The following SRGAP2 variants were observed in gnomAD, a reference collection of about 807,000 sequenced individuals.
The protein encoded by SRGAP2 is SLIT-ROBO Rho GTPase activating protein 2, also known as SLIT-ROBO Rho GTPase-activating protein 2.
Under a neutral mutation model 57.2 loss-of-function variants are expected in SRGAP2, and 15 were observed. That is an observed-to-expected ratio of 0.26 (90% CI 0.18 to 0.40). The LOEUF is 0.40. Ranked by LOEUF, SRGAP2 falls within the 10% of genes least tolerant of loss-of-function variation. The pLI is 1.00. For synonymous variants in SRGAP2, 249 were observed against 248.0 expected (o/e 1.00, Z -0.04); for missense variants, 520 against 669.6 (o/e 0.78, Z 2.47).
chr1:206,424,638 A>C lies in SRGAP2; in HGVS notation c.1494+3364A>C, dbSNP rs1015482127. Among the ~76,000 whole-genome samples, 4 of 152,190 alleles carry C rather than the reference A, an allele frequency of 2.6e-5. No homozygotes were observed. The South Asian group carries it at 8.3e-4, about 32-fold the overall frequency. On this transcript the variant is annotated intron_variant, in intron 13 of 22. Transcript: ENST00000573034. ...CCATTGTACTCCAGCCTGGGTGACA[A>C]GAGAGAGACTCTGTCCCAAAATAAA...
chr1:206,430,230 G>A lies in SRGAP2; in HGVS notation c.1555+8G>A. ...GGTTTATCAGCAGACACGGTAAGCA[G>A]GATGACAGCCTTGTCCATATTTGTG... On this transcript the variant is annotated splice_region_variant and intron_variant, in intron 14 of 22. Transcript: ENST00000573034. The A allele has an allele frequency of 2.6e-6, 2 of 780,732 alleles. No homozygotes were observed. Among genetic ancestry groups the A allele is most frequent in the South Asian group, 2.7e-5 (2 of 74,616 alleles). 48.4% of individuals were successfully genotyped at this position (780,732 alleles called of 1,614,324 possible).
intron 3 of SRGAP2, among the ~76,000 whole-genome samples, chr1:206,326,549 T>G (rs1171109748): frequency 1.4e-4 from 21 of 152,140 alleles, no homozygotes; most frequent in African/African-American, 4.8e-4. Flanking sequence ...TTGAATGAAA[T>G]GTAATAACCA....
chr1:206,438,488 A>T (rs1207632553), intron 16 of SRGAP2, among the ~76,000 whole-genome samples: 11 of 152,254 alleles, frequency 7.2e-5, no homozygotes, highest in Admixed American at 7.2e-4. Flanking sequence ...GCATTAAACA[A>T]GACATGGCTT....
chr1:206,453,458 G>T, intron 20 of SRGAP2, 78 bp downstream of exon 20: 1 of 485,338 alleles, frequency 2.1e-6, no homozygotes, highest in South Asian at 3.6e-5. Context: ...TGGAGCCATA[G>T]GACTATGAGG....
intron 2 of SRGAP2, among the ~76,000 whole-genome samples, chr1:206,231,515 G>T (rs561207063): frequency 1.3e-5 from 2 of 151,810 alleles, no homozygotes; most frequent in African/African-American, 4.8e-5. Flanking sequence ...TTGAACTCTT[G>T]GCCTCTCTGA....
intron 2 of SRGAP2, among the ~76,000 whole-genome samples, chr1:206,221,495 G>A (rs575984933): frequency 3.2e-4 from 49 of 151,808 alleles, no homozygotes; most frequent in South Asian, 3.1e-3. Flanking sequence ...CCAAGGTGGC[G>A]TAGGATATCA....
At chr1:206,239,998 G>C (rs1668112315) in intron 2 of SRGAP2, among the ~76,000 whole-genome samples, 1 of 151,686 alleles carries the variant, frequency 6.6e-6, no homozygotes, top group African/African-American at 2.4e-5. Flanking sequence ...AGGCACGGTG[G>C]CTCACGCCTG....
At chr1:206,240,330 T>A (rs561186911) in intron 2 of SRGAP2, among the ~76,000 whole-genome samples, 2,749 of 150,870 alleles carry the variant, frequency 0.018, 42 homozygotes, top group African/African-American at 0.041. Flanking sequence ...TTCTGAACTG[T>A]GTAGAGTTGG....
chr1:206,428,545 G>A (rs1661012886), intron 13 of SRGAP2, among the ~76,000 whole-genome samples: 1 of 152,152 alleles, frequency 6.6e-6, no homozygotes, highest in South Asian at 2.1e-4. Flanking sequence ...TATGGGTAGT[G>A]GCAAAGTGTT....
intron 2 of SRGAP2, among the ~76,000 whole-genome samples, chr1:206,224,481 T>A (rs1571608239): frequency 7.4e-6 from 1 of 135,738 alleles, no homozygotes; most frequent in Non-Finnish European, 1.5e-5. Context: ...TGAAAATGAG[T>A]GGTGTTGATA....
intron 2 of SRGAP2, among the ~76,000 whole-genome samples, chr1:206,216,546 A>G (rs1189729857): frequency 1.3e-5 from 2 of 150,982 alleles, no homozygotes; most frequent in African/African-American, 4.9e-5. Flanking sequence ...GCCTGGTTAG[A>G]AGCAGCTGTG....
At position 206,447,909 on chromosome 1, in the gene SRGAP2, A is replaced by G. The variant is rs1202020481; in HGVS notation, c.2099+1610A>G. Among the ~76,000 whole-genome samples, 3 of 141,280 alleles carry G rather than the reference A, an allele frequency of 2.1e-5. No homozygotes were observed. In the East Asian group the frequency reaches 1.0e-3, roughly 49 times the overall value. The allele number at this position is 141,280 out of a possible 152,430, so 92.7% of individuals were successfully genotyped here. A position where few individuals can be genotyped will look rare whatever the true frequency, so the allele number is the denominator to read the frequency against. On this transcript the variant is annotated intron_variant, in intron 18 of 22. Coordinates refer to ENST00000573034, the MANE Select transcript of SRGAP2 (RefSeq NM_015326.5). ...CAGTTTCCTCCAAGATAGTCTCCCA[A>G]CCTACCCACCTGTTTCTTGTGCACT...
chr1:206,339,882 AG>A (rs1675052654), intron 3 of SRGAP2, among the ~76,000 whole-genome samples: 1 of 151,212 alleles, frequency 6.6e-6, no homozygotes, highest in Admixed American at 6.6e-5. Context: ...CTCTGCCTCC[AG>A]GGTTCAAGTG....
chr1:206,411,863 G>A (rs1553359766), intron 10 of SRGAP2, among the ~76,000 whole-genome samples: 2 of 152,198 alleles, frequency 1.3e-5, no homozygotes, highest in South Asian at 2.1e-4. Flanking sequence ...AAGCAAAGAT[G>A]CTTAGGGAAG....
chr1:206,209,767 C>T (rs1666191449), intron 2 of SRGAP2, among the ~76,000 whole-genome samples: 1 of 151,812 alleles, frequency 6.6e-6, no homozygotes, highest in Admixed American at 6.6e-5. Flanking sequence ...ATGCTCAAGT[C>T]CCTGATAACT....
intron 2 of SRGAP2, among the ~76,000 whole-genome samples, chr1:206,228,764 T>C (rs1667434467): frequency 6.7e-6 from 1 of 149,962 alleles, no homozygotes; most frequent in East Asian, 1.9e-4. Context: ...CTTGTAAAAA[T>C]ACTGTACAAA....
chr1:206,313,878 A>G (rs1329821567), intron 3 of SRGAP2, among the ~76,000 whole-genome samples: 2 of 151,518 alleles, frequency 1.3e-5, no homozygotes, highest in Non-Finnish European at 2.9e-5. Context: ...TGCCAGACAC[A>G]TGCCAGATAC....
intron 2 of SRGAP2, among the ~76,000 whole-genome samples, chr1:206,253,133 G>T (rs1389505139): frequency 2.0e-5 from 3 of 149,352 alleles, no homozygotes; most frequent in Admixed American, 2.0e-4. Context: ...TTGAGGTCGG[G>T]TGTCTGTCTG....
At chr1:206,329,803 C>G (rs1553331291) in intron 3 of SRGAP2, among the ~76,000 whole-genome samples, 1 of 145,738 alleles carries the variant, frequency 6.9e-6, no homozygotes, top group Non-Finnish European at 1.5e-5. Context: ...TTATTTCCTT[C>G]TCCTGCCTGA....
Sources: allele counts gnomAD v4.1 joint callset (sites outside exome capture counted in the v4.1 genomes callset), GRCh38; gene constraint gnomAD v4.1.1; transcripts MANE v1.5; gene names NCBI Gene and HGNC (gene_info 2026-07-23, HGNC 2026-07-21).